NCS1: variants seen among roughly 807,000 people sequenced by gnomAD.
NCS1 encodes neuronal calcium sensor 1, also known as frequenin homolog.
A neutral mutation model predicts 28.4 loss-of-function variants in NCS1; 6 were observed. The observed-to-expected ratio is 0.21, with a 90% confidence interval of 0.12 to 0.42. NCS1 has a LOEUF of 0.42. Ranked by LOEUF, NCS1 falls within the 10% of genes least tolerant of loss-of-function variation. The pLI is 1.00. For synonymous variants in NCS1, 86 were observed against 99.3 expected (o/e 0.87, Z 0.79); for missense variants, 131 against 241.4 (o/e 0.54, Z 3.03).
intron 1 of NCS1, among the ~76,000 whole-genome samples, chr9:130,199,803 C>T (rs1322308331): frequency 2.0e-5 from 3 of 152,248 alleles, no homozygotes; most frequent in Admixed American, 6.5e-5. Flanking sequence ...TCAGAGACAC[C>T]TCTTTGGGCT....
rs1055663 is a variant in NCS1, at chr9:130,237,179, G to C, written c.*4207G>C. Reference sequence around the variant, plus strand: ...TGAACCTGCCGGTGTGTGTCTCTGGGGCCAGGGTCAGGGCGAGGCCCAGGG... The same window carrying C: ...TGAACCTGCCGGTGTGTGTCTCTGGCGCCAGGGTCAGGGCGAGGCCCAGGG... On this transcript the variant is annotated 3_prime_UTR_variant, in exon 8 of 8. Coordinates refer to ENST00000372398, the MANE Select transcript of NCS1 (RefSeq NM_014286.4). The C allele has an allele frequency of 0.48, 72,550 of 151,968 alleles. 17,666 individuals are homozygous for C. The highest frequency in any genetic ancestry group is 0.57 in the Middle Eastern group (170 of 296). 9.4% of individuals were successfully genotyped at this position (151,968 alleles called of 1,614,324 possible).
At chr9:130,214,368 C>G (rs1271196269) in intron 2 of NCS1, among the ~76,000 whole-genome samples, 1 of 152,168 alleles carries the variant, frequency 6.6e-6, no homozygotes, top group African/African-American at 2.4e-5. Context: ...GGGACTCTTG[C>G]AATAGGTGTC....
intron 2 of NCS1, among the ~76,000 whole-genome samples, chr9:130,201,962 G>C (rs1250237193): frequency 6.6e-6 from 1 of 152,122 alleles, no homozygotes; most frequent in Non-Finnish European, 1.5e-5. Flanking sequence ...TCTGAACTCT[G>C]CCCCTCCCAA....
chr9:130,204,185 C>T (rs948259726), intron 2 of NCS1, among the ~76,000 whole-genome samples: 6 of 151,970 alleles, frequency 3.9e-5, no homozygotes, highest in African/African-American at 1.5e-4. Context: ...TTAGGACAGA[C>T]GGGGTTTCAC....
At chr9:130,194,798 C>T (rs1481762105) in intron 1 of NCS1, among the ~76,000 whole-genome samples, 2 of 152,224 alleles carry the variant, frequency 1.3e-5, no homozygotes, top group African/African-American at 4.8e-5. Context: ...GGCCTGGAGG[C>T]AGAGTGTGAT....
In NCS1 at chr9:130,226,299, A is replaced by C. The variant is rs1210066813; in HGVS notation, c.475-90A>C. 5 of 1,122,638 alleles carry C rather than the reference A, an allele frequency of 4.5e-6. No homozygotes were observed. In the East Asian group the frequency reaches 9.9e-5, roughly 22 times the overall value. 69.5% of individuals were successfully genotyped at this position (1,122,638 alleles called of 1,614,324 possible). On this transcript the variant is annotated intron_variant, in intron 6 of 7. Transcript: ENST00000372398. This position sits in a 1 kb window ranked among gnomAD's most constrained non-coding sequence, Gnocchi z 4.8. ...TGCCTCCCTCCTGATCTAACCTTGG[A>C]AGGGCTCTTGGGACCGGCCCTGGGC...
chr9:130,226,080 C>T lies in NCS1; in HGVS notation c.475-309C>T, dbSNP rs782254771. On this transcript the variant is annotated intron_variant, in intron 6 of 7. Transcript: ENST00000372398. This position sits in a 1 kb window ranked among gnomAD's most constrained non-coding sequence, Gnocchi z 4.8. ...GGGTTTAATAGCATTAACCATGACA[C>T]GTGTGGAGTTACAGGGCACTTCCAG... Among the ~76,000 whole-genome samples, 3 of 152,222 alleles carry T rather than the reference C, an allele frequency of 2.0e-5. No homozygotes were observed. The highest frequency in any genetic ancestry group is 4.4e-5 in the Non-Finnish European group (3 of 68,038).
chr9:130,208,981 C>G (rs1554908420), intron 2 of NCS1, among the ~76,000 whole-genome samples: 1 of 152,050 alleles, frequency 6.6e-6, no homozygotes, highest in Non-Finnish European at 1.5e-5. Flanking sequence ...CTCTGGGAAA[C>G]CTGTAAAACC....
chr9:130,202,240 C>T (rs782035821), intron 2 of NCS1, among the ~76,000 whole-genome samples: 2 of 152,196 alleles, frequency 1.3e-5, no homozygotes, highest in Admixed American at 1.3e-4. Context: ...ACCCTCTGGC[C>T]AGCCTGAACT....
chr9:130,221,868 A>T (rs1833311076), intron 4 of NCS1, among the ~76,000 whole-genome samples: 1 of 17,866 alleles, frequency 5.6e-5, no homozygotes, highest in South Asian at 5.7e-3. Flanking sequence ...TGTATATATA[A>T]ATATATATAC....
intron 7 of NCS1, among the ~76,000 whole-genome samples, chr9:130,228,359 AGT>A (rs1490184477): frequency 1.3e-5 from 2 of 150,822 alleles, no homozygotes; most frequent in African/African-American, 4.9e-5. Flanking sequence ...TAAAAAAAAA[AGT>A]GTTTTTTTTG....
intron 1 of NCS1, among the ~76,000 whole-genome samples, chr9:130,188,963 C>T (rs1021266200): frequency 2.0e-5 from 3 of 152,092 alleles, no homozygotes; most frequent in South Asian, 2.1e-4. Context: ...GTGATCCGCC[C>T]GTCTTGGTCT....
In NCS1 at chr9:130,226,831, C is replaced by T. The variant is rs527287588; in HGVS notation, c.*17+327C>T. Among the ~76,000 whole-genome samples the T allele has an allele frequency of 1.3e-4, 19 of 151,930 alleles. No homozygotes were observed. The highest frequency in any genetic ancestry group is 2.5e-4 in the Non-Finnish European group (17 of 67,986). On this transcript the variant is annotated intron_variant, in intron 7 of 7. Coordinates refer to ENST00000372398, the MANE Select transcript of NCS1 (RefSeq NM_014286.4). The surrounding 1 kb of genome is among the most constrained non-coding windows in gnomAD (Gnocchi z 4.8). ...CACCAGGTCAGGAGTTCAAGACCAG[C>T]CTGACCAACATGGTGAAACCCCGTC...
chr9:130,180,019 CTATCTATCT>C lies in NCS1; in HGVS notation c.64+7293_64+7301del, dbSNP rs2131116270. 6.7e-6 allele frequency among the ~76,000 whole-genome samples: 1 copy of C among 149,330 alleles called. No homozygotes were observed. Among genetic ancestry groups the C allele is most frequent in the African/African-American group, 2.4e-5 (1 of 41,066 alleles). ...TTTATCTATCTATCTATCTATCTAT[CTATCTATCT>C]ATCTATCTATCTATCTATCTATCGA... On this transcript the variant is annotated intron_variant, in intron 1 of 7. Transcript: ENST00000372398. The surrounding 1 kb of genome is among the most constrained non-coding windows in gnomAD (Gnocchi z 4.5).
chr9:130,172,636 G>C lies in NCS1; in HGVS notation c.-28G>C. ...TGGGCGCCCCAACCGGGTCCGGCCC[G>C]GGGGGGCGGGGGCCGCGGCCGCCGA... On this transcript the variant is annotated 5_prime_UTR_variant, in exon 1 of 8. Coordinates refer to ENST00000372398, the MANE Select transcript of NCS1 (RefSeq NM_014286.4). 1.4e-6 allele frequency: 2 copies of C among 1,399,918 alleles called. No individual in the cohort carries two copies. Among genetic ancestry groups the C allele is most frequent in the Non-Finnish European group, 1.9e-6 (2 of 1,056,214 alleles). 86.7% of individuals were successfully genotyped at this position (1,399,918 alleles called of 1,614,324 possible).
chr9:130,222,642 G>A lies in NCS1; in HGVS notation c.308-8G>A, dbSNP rs782735287. 1.9e-6 allele frequency: 3 copies of A among 1,613,680 alleles called. No individual in the cohort carries two copies. The highest frequency in any genetic ancestry group is 2.5e-6 in the Non-Finnish European group (3 of 1,179,686). On this transcript the variant is annotated splice_region_variant and splice_polypyrimidine_tract_variant and intron_variant, in intron 4 of 7. Coordinates refer to ENST00000372398, the MANE Select transcript of NCS1 (RefSeq NM_014286.4). The stretch of plus-strand genomic sequence containing the variant: ...CCAGGATCACTCAGCAGTGCTGCTT[G>A]CTTACAGGGGCCTTCAAGCTCTACG...
rs1235953867 is a variant in NCS1, at chr9:130,186,122, G to A, written c.64+13395G>A. On this transcript the variant is annotated intron_variant, in intron 1 of 7. Transcript: ENST00000372398. This position sits in a 1 kb window ranked among gnomAD's most constrained non-coding sequence, Gnocchi z 4.1. ...GCCAAACGGGTTCCTGGGCCACCTT[G>A]CCAGCCCTCACTCCTTGATTTAGAG... Among the ~76,000 whole-genome samples the A allele has an allele frequency of 6.6e-6, 1 of 152,214 alleles. No individual in the cohort carries two copies. The highest frequency in any genetic ancestry group is 1.5e-5 in the Non-Finnish European group (1 of 68,036).
chr9:130,210,155 T>C lies in NCS1; in HGVS notation c.90-7677T>C, dbSNP rs186863736. ...ATGGCTCACACCTGTAATCCCAGCA[T>C]TTTGGGAGGTTGAGGCGGCCAGATC... On this transcript the variant is annotated intron_variant, in intron 2 of 7. Coordinates refer to ENST00000372398, the MANE Select transcript of NCS1 (RefSeq NM_014286.4). Among the ~76,000 whole-genome samples the C allele has an allele frequency of 1.7e-4, 26 of 151,982 alleles. No individual in the cohort carries two copies. In the East Asian group the frequency reaches 4.8e-3, roughly 28 times the overall value.
intron 7 of NCS1, among the ~76,000 whole-genome samples, chr9:130,229,099 A>AC (rs1833463192): frequency 6.6e-6 from 1 of 152,082 alleles, no homozygotes; most frequent in African/African-American, 2.4e-5. Flanking sequence ...TTTAAAAAAA[A>AC]CCCCTTATGT....
Sources: allele counts gnomAD v4.1 joint callset (sites outside exome capture counted in the v4.1 genomes callset), GRCh38; gene constraint gnomAD v4.1.1; non-coding constraint Gnocchi (gnomAD v3.1); transcripts MANE v1.5; gene names NCBI Gene and HGNC (gene_info 2026-07-23, HGNC 2026-07-21).